ERC1: variants seen among roughly 807,000 people sequenced by gnomAD.
ERC1 encodes the protein RAB6 interacting protein 2.
In ERC1, 56 loss-of-function variants were observed where a neutral mutation model predicts 132.0. The ratio of observed to expected loss-of-function variants is 0.42; its 90% CI spans 0.34 to 0.53. ERC1 has a LOEUF of 0.53. Ranked by LOEUF, ERC1 falls within the 20% of genes least tolerant of loss-of-function variation. The pLI, the probability that ERC1 is intolerant of heterozygous loss-of-function variation, is 0.03. For missense variants in ERC1, 1,202 were observed against 1,349.9 expected, an observed-to-expected ratio of 0.89 and a Z score of 1.72; for synonymous variants, 478 against 476.1, an observed-to-expected ratio of 1.00 and a Z score of -0.05.
chr12:1,124,709 A>G (rs1362791079), intron 7 of ERC1, among the ~76,000 whole-genome samples: 1 of 152,170 alleles, frequency 6.6e-6, no homozygotes, highest in Non-Finnish European at 1.5e-5. Context: ...AAAAAGGTTA[A>G]TAGGACAGGA....
chr12:1,304,638 A>G lies in ERC1; in HGVS notation c.2780+14626A>G, dbSNP rs142075216. Among the ~76,000 whole-genome samples, 785 of 152,300 alleles carry G rather than the reference A, an allele frequency of 5.2e-3. 10 individuals are homozygous for G. The highest frequency in any genetic ancestry group is 0.018 in the African/African-American group (757 of 41,566). On this transcript the variant is annotated intron_variant, in intron 15 of 18. Coordinates refer to ENST00000360905, the MANE Select transcript of ERC1 (RefSeq NM_178040.4). ...GGTGTCAGCCAATTTATTGGAAGGG[A>G]GAAAGAATATTGGTTGATCTGGAGA... is the stretch of plus-strand genomic sequence containing the variant.
chr12:997,028 C>T (rs533832468), intron 1 of ERC1, among the ~76,000 whole-genome samples: 1 of 152,252 alleles, frequency 6.6e-6, no homozygotes, highest in South Asian at 2.1e-4. Flanking sequence ...AAGCGATCTT[C>T]CCACCTCAGC....
At chr12:1,427,288 C>T (rs1471224453) in intron 17 of ERC1, among the ~76,000 whole-genome samples, 1 of 152,150 alleles carries the variant, frequency 6.6e-6, no homozygotes, top group African/African-American at 2.4e-5. Flanking sequence ...AACCTGGGTG[C>T]CTCGATGCCT....
intron 15 of ERC1, among the ~76,000 whole-genome samples, chr12:1,303,435 GA>G (rs976281758): frequency 5.3e-5 from 8 of 150,322 alleles, no homozygotes; most frequent in African/African-American, 2.0e-4. Flanking sequence ...AGGAGATCGA[GA>G]CCATCCTGGC....
At chr12:1,092,515 G>T (rs748677717) in intron 3 of ERC1, among the ~76,000 whole-genome samples, 8 of 152,172 alleles carry the variant, frequency 5.3e-5, no homozygotes, top group Non-Finnish European at 1.0e-4. Flanking sequence ...TGTTAACTTT[G>T]TTGTTCAGTG....
At position 1,444,639 on chromosome 12, in the gene ERC1, C is replaced by T. The variant is rs2093252521; in HGVS notation, c.3102C>T (p.Cys1034=). Residue 1034 remains cysteine (C), a synonymous_variant, in exon 18 of 19, where the codon TGC becomes TGT. Transcript: ENST00000360905. ...ACATTGGACACCTGACAACCCTCTG[C>T]CATGACCGAGACCCCCTGATCCTCC... ...KLYIGHLTTL[C]HDRDPLILRG... is the part of the protein sequence containing the mutation. 1.1e-5 allele frequency: 18 copies of T among 1,613,908 alleles called. No homozygotes were observed. Among genetic ancestry groups the T allele is most frequent in the Non-Finnish European group, 1.5e-5 (18 of 1,179,904 alleles).
intron 17 of ERC1, among the ~76,000 whole-genome samples, chr12:1,410,911 T>TA (rs113063057): frequency 2.5e-4 from 37 of 149,110 alleles, no homozygotes; most frequent in South Asian, 1.3e-3. Context: ...ACATGGTGTT[T>TA]AAAAAAAAAA....
intron 18 of ERC1, among the ~76,000 whole-genome samples, chr12:1,459,628 A>G (rs759570303): frequency 6.6e-6 from 1 of 152,256 alleles, no homozygotes; most frequent in Non-Finnish European, 1.5e-5. Flanking sequence ...TCATCAATGA[A>G]TGTGAAAACA....
At chr12:1,384,328 C>CAGCT (rs774633824) in intron 16 of ERC1, among the ~76,000 whole-genome samples, 17 of 152,176 alleles carry the variant, frequency 1.1e-4, no homozygotes, top group Non-Finnish European at 2.2e-4. Context: ...GATTAATGAA[C>CAGCT]AGCTGTACAG....
intron 10 of ERC1, 46 bp downstream of exon 10, chr12:1,182,111 A>G (rs371350915): frequency 6.4e-6 from 10 of 1,566,484 alleles, no homozygotes; most frequent in Middle Eastern, 3.6e-4. Flanking sequence ...TAATCATTGC[A>G]TGTGTCTGTA....
chr12:1,173,756 T>A (rs1027847250), intron 8 of ERC1, among the ~76,000 whole-genome samples: 3 of 151,300 alleles, frequency 2.0e-5, no homozygotes, highest in Non-Finnish European at 4.4e-5. Flanking sequence ...ATGACAAGAA[T>A]AATGTGGTAA....
chr12:1,191,389 C>G (rs1458192345), intron 12 of ERC1, among the ~76,000 whole-genome samples: 2 of 152,164 alleles, frequency 1.3e-5, no homozygotes, highest in Non-Finnish European at 1.5e-5. Context: ...GGCTTGAAAT[C>G]TGCAACAGTA....
intron 14 of ERC1, among the ~76,000 whole-genome samples, chr12:1,268,123 T>C (rs1385686002): frequency 6.6e-6 from 1 of 152,196 alleles, no homozygotes; most frequent in Non-Finnish European, 1.5e-5. Flanking sequence ...GCAAAACTGG[T>C]AGAGGGGTAT....
rs577331994 is a variant in ERC1, at chr12:1,484,285, C to T, written c.3214-5808C>T. ...GCACCACTGCACTCCAGCCTGGTGA[C>T]AGAGCGAGACTCCGTCTCAAAAAAA... On this transcript the variant is annotated intron_variant, in intron 18 of 18. Transcript: ENST00000360905. Among the ~76,000 whole-genome samples the T allele has an allele frequency of 1.9e-4, 28 of 150,256 alleles. No homozygotes were observed. In the East Asian group the frequency reaches 4.0e-3, roughly 22 times the overall value.
chr12:1,003,875 C>T (rs1304860323), intron 1 of ERC1, among the ~76,000 whole-genome samples: 1 of 152,220 alleles, frequency 6.6e-6, no homozygotes, highest in African/African-American at 2.4e-5. Flanking sequence ...GGGGCTGATG[C>T]CTGCAGTGTG....
chr12:999,471 T>C (rs1466546601), intron 1 of ERC1, among the ~76,000 whole-genome samples: 2 of 152,156 alleles, frequency 1.3e-5, no homozygotes, highest in Middle Eastern at 3.2e-3. Context: ...TGTTCTTGAT[T>C]TCTCCCTCTC....
intron 17 of ERC1, among the ~76,000 whole-genome samples, chr12:1,440,348 A>G (rs113405236): frequency 0.29 from 42,377 of 144,832 alleles, 10,287 homozygotes; most frequent in African/African-American, 0.68. Flanking sequence ...GGGACTACAG[A>G]CGCCCGCCAC....
At chr12:1,170,359 T>C (rs1367265656) in intron 8 of ERC1, among the ~76,000 whole-genome samples, 1 of 152,210 alleles carries the variant, frequency 6.6e-6, no homozygotes, top group Non-Finnish European at 1.5e-5. Flanking sequence ...TTAAGCCTCT[T>C]GTGCCTGCTT....
At chr12:1,064,482 A>G (rs975604595) in intron 2 of ERC1, among the ~76,000 whole-genome samples, 13 of 151,874 alleles carry the variant, frequency 8.6e-5, no homozygotes, top group African/African-American at 3.1e-4. Context: ...GCAGCCTTGA[A>G]CTCCTGTGTT....
Sources: gnomAD v4.1 joint callset for allele counts (sites outside exome capture counted in the v4.1 genomes callset) on GRCh38, gnomAD v4.1.1 for gene constraint, MANE v1.5 for transcripts, NCBI Gene and HGNC (gene_info 2026-07-23, HGNC 2026-07-21) for gene names.